The following TSPAN18 variants were observed in gnomAD, a reference collection of about 807,000 sequenced individuals.
TSPAN18 encodes tetraspanin-18.
A neutral mutation model predicts 27.3 loss-of-function variants in TSPAN18; 14 were observed. The ratio of observed to expected loss-of-function variants is 0.51; its 90% CI spans 0.34 to 0.80. TSPAN18 has a LOEUF of 0.80. TSPAN18 is among the 30% of genes least tolerant of loss of function. The pLI is 0.01. For synonymous variants in TSPAN18, 143 were observed against 136.5 expected, an observed-to-expected ratio of 1.05 and a Z score of -0.33; for missense variants, 268 against 323.9, an observed-to-expected ratio of 0.83 and a Z score of 1.32.
chr11:44,769,488 G>A (rs992244583), intron 2 of TSPAN18, among the ~76,000 whole-genome samples: 6 of 152,186 alleles, frequency 3.9e-5, no homozygotes, highest in African/African-American at 1.4e-4. Flanking sequence ...TCTCCCATAA[G>A]TGTTTGGTAG....
Position 44,929,401 on chromosome 11 carries a change from C to T in TSPAN18, c.*223C>T, listed in dbSNP as rs1053319056. ...CCTCGCCTGGACTCAGGGCAGGTGCCGTGGGTTCTCCAGAGACCCCAGCAA... is the reference window on the plus strand; with the variant it reads ...CCTCGCCTGGACTCAGGGCAGGTGCTGTGGGTTCTCCAGAGACCCCAGCAA... On this transcript the variant is annotated 3_prime_UTR_variant, in exon 10 of 10. Coordinates refer to ENST00000520358, the MANE Select transcript of TSPAN18 (RefSeq NM_130783.5). 11 of 600,166 alleles carry T rather than the reference C, an allele frequency of 1.8e-5. No homozygotes were observed. The highest frequency in any genetic ancestry group is 3.1e-5 in the Admixed American group (1 of 32,500). The allele number at this position is 600,166 out of a possible 1,614,324, so 37.2% of individuals were successfully genotyped here. A position where few individuals can be genotyped will look rare whatever the true frequency, so the allele number is the denominator to read the frequency against.
intron 3 of TSPAN18, among the ~76,000 whole-genome samples, chr11:44,896,428 G>C (rs2135297886): frequency 6.6e-6 from 1 of 152,238 alleles, no homozygotes; most frequent in Middle Eastern, 3.4e-3. Flanking sequence ...TCATAGGGTT[G>C]TTCTGAGCAT....
chr11:44,895,047 T>C (rs1858993916), intron 3 of TSPAN18, among the ~76,000 whole-genome samples: 1 of 152,142 alleles, frequency 6.6e-6, no homozygotes, highest in Non-Finnish European at 1.5e-5. Flanking sequence ...ACCCACCTCC[T>C]AGGTAAGGAT....
chr11:44,729,344 C>A (rs778062196), intron 1 of TSPAN18, among the ~76,000 whole-genome samples: 2 of 152,162 alleles, frequency 1.3e-5, no homozygotes, highest in South Asian at 2.1e-4. Flanking sequence ...TGCCTTGGAA[C>A]CTGCCTGGGA....
chr11:44,779,965 C>A (rs1252986181), intron 2 of TSPAN18, among the ~76,000 whole-genome samples: 2 of 152,200 alleles, frequency 1.3e-5, no homozygotes, highest in Non-Finnish European at 2.9e-5. Flanking sequence ...CTACCCGCAT[C>A]CCTGTCTGCC....
Position 44,747,692 on chromosome 11 carries a change from C to G in TSPAN18, c.-239-16734C>G, listed in dbSNP as rs143316526. 2.4e-3 allele frequency among the ~76,000 whole-genome samples: 365 copies of G among 152,148 alleles called. 3 individuals carry two copies. The highest frequency in any genetic ancestry group is 8.3e-3 in the African/African-American group (345 of 41,494). On this transcript the variant is annotated intron_variant, in intron 1 of 9. Coordinates refer to ENST00000520358, the MANE Select transcript of TSPAN18 (RefSeq NM_130783.5). ...AATGGCCCAAATGTTTCTCCTCCCC[C>G]CTCCCGTCTCTCTCTCAGCACTCAG...
chr11:44,919,197 T>C lies in TSPAN18; in HGVS notation c.334-17T>C. 2 of 1,610,610 alleles carry C rather than the reference T, an allele frequency of 1.2e-6. No homozygotes were observed. The highest frequency in any genetic ancestry group is 1.7e-6 in the Non-Finnish European group (2 of 1,177,036). ...CCAACTGCCAGGCCTAAGCCCATCT[T>C]CTCCCTCTGCCCCCAGCTCACCCGA... On this transcript the variant is annotated splice_polypyrimidine_tract_variant and intron_variant, in intron 6 of 9. Coordinates refer to ENST00000520358, the MANE Select transcript of TSPAN18 (RefSeq NM_130783.5).
chr11:44,735,819 G>T (rs12361889), intron 1 of TSPAN18, among the ~76,000 whole-genome samples: 25 of 151,930 alleles, frequency 1.6e-4, no homozygotes, highest in Admixed American at 1.1e-3. Flanking sequence ...GGGTTTCACT[G>T]TGTTAGCCAG....
chr11:44,758,586 C>T (rs928481243), intron 1 of TSPAN18, among the ~76,000 whole-genome samples: 9 of 152,138 alleles, frequency 5.9e-5, no homozygotes, highest in African/African-American at 1.2e-4. Context: ...CAGAAAGTAG[C>T]GGCAGATTAT....
At chr11:44,886,241 C>G (rs1244955207) in intron 3 of TSPAN18, 1 of 152,192 alleles carries the variant, frequency 6.6e-6, no homozygotes, top group African/African-American at 2.4e-5. Flanking sequence ...AGACGTGACA[C>G]AAGACCAGCA....
chr11:44,901,736 A>T (rs1859269653), intron 3 of TSPAN18, among the ~76,000 whole-genome samples: 1 of 152,224 alleles, frequency 6.6e-6, no homozygotes, highest in Non-Finnish European at 1.5e-5. Flanking sequence ...CTGCTTGAAC[A>T]TCTGCTCCTG....
chr11:44,884,416 G>A, intron 3 of TSPAN18, among the ~76,000 whole-genome samples: 1 of 152,192 alleles, frequency 6.6e-6, no homozygotes, highest in African/African-American at 2.4e-5. Flanking sequence ...TGGGGGTAGA[G>A]GGGCTTGCTG....
intron 2 of TSPAN18, among the ~76,000 whole-genome samples, chr11:44,819,784 C>T (rs554896736): frequency 2.7e-5 from 4 of 150,462 alleles, no homozygotes; most frequent in Admixed American, 6.7e-5. Context: ...AATCCTATTA[C>T]AATAAATATT....
chr11:44,796,769 T>G (rs1449268079), intron 2 of TSPAN18, among the ~76,000 whole-genome samples: 1 of 152,120 alleles, frequency 6.6e-6, no homozygotes, highest in Non-Finnish European at 1.5e-5. Flanking sequence ...TCCTCTAGGC[T>G]TCTGCTCTGG....
At chr11:44,826,119 C>G (rs835830) in intron 2 of TSPAN18, among the ~76,000 whole-genome samples, 139,962 of 152,336 alleles carry the variant, frequency 0.92, 65,499 homozygotes, top group East Asian at 1. Context: ...GGCTTTCCAG[C>G]AACAGGCAAG....
At chr11:44,835,197 TC>T (rs990480177) in intron 2 of TSPAN18, among the ~76,000 whole-genome samples, 2 of 151,752 alleles carry the variant, frequency 1.3e-5, no homozygotes, top group African/African-American at 4.8e-5. Flanking sequence ...GTGGGGAGGG[TC>T]CCCGACAGCA....
At chr11:44,803,616 T>C (rs1856529490) in intron 2 of TSPAN18, among the ~76,000 whole-genome samples, 1 of 151,626 alleles carries the variant, frequency 6.6e-6, no homozygotes, top group African/African-American at 2.4e-5. Context: ...ATCCAAGGAG[T>C]AGAAGCTGCC....
chr11:44,836,043 T>C (rs2135154266), intron 2 of TSPAN18, among the ~76,000 whole-genome samples: 2 of 152,272 alleles, frequency 1.3e-5, no homozygotes, highest in Middle Eastern at 6.8e-3. Flanking sequence ...CATAACAATA[T>C]TGAAATGAGG....
At chr11:44,921,284 G>A (rs75072574) in intron 8 of TSPAN18, among the ~76,000 whole-genome samples, 2,726 of 152,300 alleles carry the variant, frequency 0.018, 60 homozygotes, top group African/African-American at 0.052. Flanking sequence ...TCCATGGCAG[G>A]CAGGGGTGGG....
Sources: gnomAD v4.1 joint callset for allele counts (sites outside exome capture counted in the v4.1 genomes callset) on GRCh38, gnomAD v4.1.1 for gene constraint, MANE v1.5 for transcripts, NCBI Gene and HGNC (gene_info 2026-07-23, HGNC 2026-07-21) for gene names.